DSCAML1: variants seen among roughly 807,000 people sequenced by gnomAD.
DSCAML1 encodes the protein cell adhesion molecule DSCAML1.
Under a neutral mutation model 200.5 loss-of-function variants are expected in DSCAML1, and 38 were observed. The observed-to-expected ratio is 0.19, with a 90% CI of 0.15 to 0.25. The LOEUF (loss-of-function observed/expected upper bound fraction) is 0.25, where lower values mean the gene tolerates loss of function less well. Ranked by LOEUF, DSCAML1 falls within the 10% of genes least tolerant of loss-of-function variation. The pLI is 1.00. For missense variants in DSCAML1, 2,223 were observed against 2,858.8 expected (o/e 0.78, Z 5.07); for synonymous variants, 1,215 against 1,165.0 (o/e 1.04, Z -0.87).
intron 3 of DSCAML1, among the ~76,000 whole-genome samples, chr11:117,775,940 A>G (rs1227079518): frequency 6.6e-6 from 1 of 152,248 alleles, no homozygotes; most frequent in Non-Finnish European, 1.5e-5. Flanking sequence ...CACCTGGTCA[A>G]GCTGCTCCAA....
At position 117,661,413 on chromosome 11, in the gene DSCAML1, G is replaced by A. The variant is rs187502540; in HGVS notation, c.511+115378C>T. Among the ~76,000 whole-genome samples, 386 of 152,308 alleles carry A rather than the reference G, an allele frequency of 2.5e-3. 1 individual carries two copies. Among genetic ancestry groups the A allele is most frequent in the African/African-American group, 8.7e-3 (363 of 41,570 alleles). ...CCGAATAGTGAATACACAGTGTACC[G>A]TTACTGGCTGGGTTTTGCATTCACT... is the stretch of plus-strand genomic sequence containing the variant. On this transcript the variant is annotated intron_variant, in intron 3 of 32. Transcript: ENST00000651296.
At chr11:117,731,694 A>C (rs1329424677) in intron 3 of DSCAML1, among the ~76,000 whole-genome samples, 1 of 152,168 alleles carries the variant, frequency 6.6e-6, no homozygotes, top group Non-Finnish European at 1.5e-5. Flanking sequence ...ACCACAATAC[A>C]TGTAGCTGTT....
chr11:117,773,602 G>A (rs2055078892), intron 3 of DSCAML1, among the ~76,000 whole-genome samples: 1 of 151,798 alleles, frequency 6.6e-6, no homozygotes, highest in African/African-American at 2.4e-5. Context: ...AATATGGTTA[G>A]TGGAAAAAAA....
intron 3 of DSCAML1, among the ~76,000 whole-genome samples, chr11:117,689,415 G>A (rs996296102): frequency 2.0e-5 from 3 of 152,230 alleles, no homozygotes; most frequent in African/African-American, 7.2e-5. Flanking sequence ...AACCTTCGGG[G>A]ATTTGTAGGC....
chr11:117,773,251 C>T lies in DSCAML1; in HGVS notation c.511+3540G>A, dbSNP rs76941050. Among the ~76,000 whole-genome samples, 260 of 152,296 alleles carry T rather than the reference C, an allele frequency of 1.7e-3. 6 individuals carry two copies. In the East Asian group the frequency reaches 0.041, roughly 24 times the overall value. On this transcript the variant is annotated intron_variant, in intron 3 of 32. Coordinates refer to ENST00000651296, the MANE Select transcript of DSCAML1 (RefSeq NM_020693.4). ...CCCCTCCTCCCAGGGCACCTGCATC[C>T]CCAAGGGGATGCCTCCTGGGGCTCT...
At chr11:117,450,398 C>T in intron 20 of DSCAML1, 151 bp downstream of exon 20, 1 of 1,112,550 alleles carries the variant, frequency 9.0e-7, no homozygotes, top group Non-Finnish European at 1.3e-6. Flanking sequence ...GCTTCGGCCA[C>T]TCTGGGTGGC....
intron 3 of DSCAML1, among the ~76,000 whole-genome samples, chr11:117,747,954 T>G (rs937488604): frequency 3.3e-5 from 5 of 152,132 alleles, no homozygotes; most frequent in African/African-American, 1.2e-4. Flanking sequence ...AGAAGAGTCT[T>G]GGAGATCATC....
rs770438979 is a variant in DSCAML1, at chr11:117,503,753, G to T, written c.2359+92C>A. 7.1e-7 allele frequency: 1 copy of T among 1,403,174 alleles called. No homozygotes were observed. The highest frequency in any genetic ancestry group is 9.6e-7 in the Non-Finnish European group (1 of 1,039,404). 86.9% of individuals were successfully genotyped at this position (1,403,174 alleles called of 1,614,324 possible). On this transcript the variant is annotated intron_variant, in intron 11 of 32. Coordinates refer to ENST00000651296, the MANE Select transcript of DSCAML1 (RefSeq NM_020693.4). The surrounding 1 kb of genome is among the most constrained non-coding windows in gnomAD (Gnocchi z 5.2). Reference sequence around the variant, plus strand: ...CCTGCCTCCCCTTCATAGATGAAACGACGGAGACTAAGAGAGTAGGCAGGG... The same window carrying T: ...CCTGCCTCCCCTTCATAGATGAAACTACGGAGACTAAGAGAGTAGGCAGGG...
intron 3 of DSCAML1, among the ~76,000 whole-genome samples, chr11:117,660,416 C>T (rs777799479): frequency 1.2e-4 from 19 of 152,290 alleles, no homozygotes; most frequent in Middle Eastern, 3.4e-3. Context: ...GGTTCCTCAG[C>T]CGAAAAATGA....
At chr11:117,584,204 T>C (rs567837726) in intron 3 of DSCAML1, among the ~76,000 whole-genome samples, 1 of 152,350 alleles carries the variant, frequency 6.6e-6, no homozygotes, top group South Asian at 2.1e-4. Flanking sequence ...GTCTCTAACT[T>C]TGGGCTCTAG....
chr11:117,512,566 C>T (rs939552031), intron 8 of DSCAML1, among the ~76,000 whole-genome samples: 12 of 152,018 alleles, frequency 7.9e-5, no homozygotes, highest in Non-Finnish European at 1.3e-4. Context: ...TGACTACACC[C>T]GCCTCAGGGC....
At chr11:117,453,746 C>CTTTCTTTCT (rs748920908) in intron 19 of DSCAML1, among the ~76,000 whole-genome samples, 5 of 138,182 alleles carry the variant, frequency 3.6e-5, no homozygotes, top group African/African-American at 1.1e-4. Flanking sequence ...TTCTTTCTTT[C>CTTTCTTTCT]TTTTTTTTTT....
intron 3 of DSCAML1, among the ~76,000 whole-genome samples, chr11:117,602,312 T>C (rs1398406844): frequency 1.3e-5 from 2 of 152,144 alleles, no homozygotes; most frequent in Admixed American, 1.3e-4. Flanking sequence ...GGCATGAGTG[T>C]GTGTTTCTGC....
At chr11:117,627,659 C>T (rs560959837) in intron 3 of DSCAML1, among the ~76,000 whole-genome samples, 32 of 152,132 alleles carry the variant, frequency 2.1e-4, no homozygotes, top group Admixed American at 2.6e-4. Context: ...GAGGGAGCTT[C>T]GGGAACTCCT....
chr11:117,781,039 G>A (rs1565281770), intron 1 of DSCAML1, among the ~76,000 whole-genome samples: 1 of 152,208 alleles, frequency 6.6e-6, no homozygotes, highest in African/African-American at 2.4e-5. Context: ...GCTCATGCCT[G>A]TAATTCCAGC....
chr11:117,514,572 CTTTTTTTTTT>C (rs532136039), intron 8 of DSCAML1, among the ~76,000 whole-genome samples: 1,651 of 98,350 alleles, frequency 0.017, 30 homozygotes, highest in African/African-American at 0.056. Flanking sequence ...TTTTCTTTTT[CTTTTTTTTTT>C]TTTTTTTTTT....
At chr11:117,590,139 C>T (rs1037262619) in intron 3 of DSCAML1, among the ~76,000 whole-genome samples, 2 of 152,128 alleles carry the variant, frequency 1.3e-5, no homozygotes, top group African/African-American at 4.8e-5. Flanking sequence ...TCCATGAACC[C>T]ATGGGCTTGA....
chr11:117,435,087 C>T (rs2047885818), intron 27 of DSCAML1, among the ~76,000 whole-genome samples: 4 of 152,188 alleles, frequency 2.6e-5, no homozygotes, highest in Admixed American at 2.6e-4. Context: ...TAGTAGGTGC[C>T]AGACACTGTG....
At chr11:117,592,914 G>A (rs1009001570) in intron 3 of DSCAML1, among the ~76,000 whole-genome samples, 1 of 152,236 alleles carries the variant, frequency 6.6e-6, no homozygotes, top group African/African-American at 2.4e-5. Context: ...CAGGCAGCAC[G>A]GGGTGTGAAC....
Sources: gnomAD v4.1 joint callset for allele counts (sites outside exome capture counted in the v4.1 genomes callset) on GRCh38, gnomAD v4.1.1 for gene constraint, Gnocchi (gnomAD v3.1) non-coding constraint, MANE v1.5 for transcripts, NCBI Gene and HGNC (gene_info 2026-07-23, HGNC 2026-07-21) for gene names.